Variants in ARK2C observed in about 807,000 individuals in gnomAD.
The protein encoded by ARK2C is E3 ubiquitin-protein ligase ARK2C.
the ARK2C span, among the ~76,000 whole-genome samples, chr18:46,408,669 A>G: frequency 0.23 from 35,481 of 152,088 alleles, 4,392 homozygotes; most frequent in East Asian, 0.4. Context: ...TTAGAGCATC[A>G]TCTTGGTCAG....
chr18:46,441,845 G>C, the ARK2C span, among the ~76,000 whole-genome samples: 1 of 105,988 alleles, frequency 9.4e-6, no homozygotes, highest in East Asian at 3.1e-4. Flanking sequence ...CTGGGCGAAA[G>C]AGCGAGACTC....
chr18:46,334,061 C>A, the ARK2C span: 5 of 152,798 alleles, frequency 3.3e-5, no homozygotes, highest in African/African-American at 1.2e-4. The surrounding 1 kb of genome is among the most constrained non-coding windows in gnomAD (Gnocchi z 4.4). Context: ...GCGGCCCCAG[C>A]GCCTTTGAAT....
chr18:46,404,458 C>T, the ARK2C span, among the ~76,000 whole-genome samples: 1 of 152,062 alleles, frequency 6.6e-6, no homozygotes, highest in South Asian at 2.1e-4. Context: ...CTCATTAAAA[C>T]TCAGTGAAGT....
chr18:46,450,378 C>T, the ARK2C span: 1 of 1,613,112 alleles, frequency 6.2e-7, no homozygotes, highest in Non-Finnish European at 8.5e-7. Flanking sequence ...AGACACACCT[C>T]CGCCGTACGG....
chr18:46,453,358 G>A, the ARK2C span, among the ~76,000 whole-genome samples: 5 of 152,106 alleles, frequency 3.3e-5, no homozygotes, highest in African/African-American at 1.2e-4. Flanking sequence ...CCTGTGTCCC[G>A]GACCAGGGAG....
chr18:46,448,146 A>G, the ARK2C span, among the ~76,000 whole-genome samples: 4 of 79,434 alleles, frequency 5.0e-5, no homozygotes, highest in African/African-American at 1.0e-4. Flanking sequence ...TTGTGTATCA[A>G]CCCCCATGCC....
chr18:46,404,969 C>T, the ARK2C span, among the ~76,000 whole-genome samples: 1 of 152,234 alleles, frequency 6.6e-6, no homozygotes, highest in South Asian at 2.1e-4. Context: ...TATTCAGCTC[C>T]GTTTGGCTCC....
chr18:46,456,455 T>A, the ARK2C span: 1 of 1,199,798 alleles, frequency 8.3e-7, no homozygotes, highest in Non-Finnish European at 1.2e-6. Flanking sequence ...TAGGTGTGTG[T>A]CCCTGCTCCG....
chr18:46,396,325 G>A, the ARK2C span, among the ~76,000 whole-genome samples: 5 of 152,264 alleles, frequency 3.3e-5, no homozygotes, highest in African/African-American at 4.8e-5. Context: ...GTGCTCATCT[G>A]GTCTTCTGGC....
the ARK2C span, among the ~76,000 whole-genome samples, chr18:46,437,726 A>T: frequency 2.0e-3 from 312 of 152,198 alleles, no homozygotes; most frequent in Non-Finnish European, 3.4e-3. Flanking sequence ...CTTGATCCTG[A>T]CCTTAAGCCG....
the ARK2C span, among the ~76,000 whole-genome samples, chr18:46,344,842 C>A: frequency 6.6e-6 from 1 of 152,204 alleles, no homozygotes; most frequent in Non-Finnish European, 1.5e-5. Context: ...AGAGAGACAG[C>A]GGAGGTAGCT....
the ARK2C span, chr18:46,337,111 A>G: frequency 1.0e-6 from 1 of 985,384 alleles, no homozygotes; most frequent in Non-Finnish European, 1.2e-6. Flanking sequence ...AAACTGAAAC[A>G]AAACAGCAGC....
the ARK2C span, among the ~76,000 whole-genome samples, chr18:46,443,999 A>G: frequency 6.6e-6 from 1 of 151,846 alleles, no homozygotes; most frequent in Non-Finnish European, 1.5e-5. Context: ...TTAAAAATAT[A>G]TTTTTTCTAG....
At chr18:46,406,690 G>A in the ARK2C span, among the ~76,000 whole-genome samples, 1 of 152,250 alleles carries the variant, frequency 6.6e-6, no homozygotes, top group East Asian at 1.9e-4. Flanking sequence ...GGGATCACAT[G>A]TGGGCTCACA....
At chr18:46,354,822 A>G in the ARK2C span, among the ~76,000 whole-genome samples, 4 of 152,218 alleles carry the variant, frequency 2.6e-5, no homozygotes, top group African/African-American at 9.6e-5. Flanking sequence ...TGTGTGCTCC[A>G]TACACAAAGC....
At chr18:46,459,573 A>G in the ARK2C span, 1 of 152,318 alleles carries the variant, frequency 6.6e-6, no homozygotes, top group Non-Finnish European at 1.5e-5. Flanking sequence ...GGGAGAGGGA[A>G]GCTGCTTACT....
At chr18:46,445,450 T>C in the ARK2C span, among the ~76,000 whole-genome samples, 2 of 152,346 alleles carry the variant, frequency 1.3e-5, no homozygotes, top group East Asian at 3.9e-4. Context: ...GGATGCTCTT[T>C]GTTCAACCTA....
chr18:46,344,536 C>T, the ARK2C span, among the ~76,000 whole-genome samples: 35 of 152,230 alleles, frequency 2.3e-4, no homozygotes, highest in Non-Finnish European at 4.4e-4. Context: ...CCCACTCCCA[C>T]CCCCAGCGTG....
the ARK2C span, among the ~76,000 whole-genome samples, chr18:46,452,330 A>G: frequency 2.0e-5 from 3 of 152,026 alleles, no homozygotes; most frequent in Admixed American, 1.3e-4. Flanking sequence ...CCCAGGCTGG[A>G]GTGCAGTGGC....
Sources: allele counts gnomAD v4.1 joint callset (sites outside exome capture counted in the v4.1 genomes callset), GRCh38; gene constraint gnomAD v4.1.1; non-coding constraint Gnocchi (gnomAD v3.1); transcripts MANE v1.5; gene names NCBI Gene and HGNC (gene_info 2026-07-23, HGNC 2026-07-21).